Variants in MCMBP observed in about 807,000 individuals in gnomAD.
MCMBP encodes the protein mini-chromosome maintenance complex-binding protein.
A neutral mutation model predicts 81.3 loss-of-function variants in MCMBP; 31 were observed. The ratio of observed to expected loss-of-function variants is 0.38; its 90% CI spans 0.29 to 0.51. The LOEUF (loss-of-function observed/expected upper bound fraction) is 0.51, where lower values mean the gene tolerates loss of function less well. Ranked by LOEUF, MCMBP falls within the 20% of genes least tolerant of loss-of-function variation. MCMBP has a pLI of 0.87. For missense variants in MCMBP, 645 were observed against 772.1 expected, an observed-to-expected ratio of 0.84 and a Z score of 1.95; for synonymous variants, 267 against 275.9, an observed-to-expected ratio of 0.97 and a Z score of 0.32.
chr10:119,830,361 T>C lies in MCMBP; in HGVS notation c.*1113A>G, dbSNP rs1478693977. On this transcript the variant is annotated 3_prime_UTR_variant, in exon 16 of 16. Coordinates refer to ENST00000369077, the MANE Select transcript of MCMBP (RefSeq NM_001256378.2). ...ACAGTCTGTTGTTAGTTTGCTCTATTAAAACTAATTGGTCTGGAGAAAACC... is the reference window on the plus strand; with the variant it reads ...ACAGTCTGTTGTTAGTTTGCTCTATCAAAACTAATTGGTCTGGAGAAAACC... The C allele has an allele frequency of 6.6e-6, 1 of 152,262 alleles. No individual in the cohort carries two copies. The highest frequency in any genetic ancestry group is 2.4e-5 in the African/African-American group (1 of 41,460). The allele number at this position is 152,262 out of a possible 1,614,324, so 9.4% of individuals were successfully genotyped here.
intron 8 of MCMBP, among the ~76,000 whole-genome samples, chr10:119,846,949 G>A (rs973923052): frequency 6.6e-6 from 1 of 152,060 alleles, no homozygotes; most frequent in African/African-American, 2.4e-5. Flanking sequence ...AAAGACAAAG[G>A]CTGAGGACTG....
chr10:119,854,936 G>C (rs1247654909), intron 5 of MCMBP, among the ~76,000 whole-genome samples: 1 of 147,834 alleles, frequency 6.8e-6, no homozygotes, highest in Non-Finnish European at 1.5e-5. Flanking sequence ...CCTGGTGACA[G>C]AGCAGGACTC....
chr10:119,858,580 T>C (rs1332968861), intron 4 of MCMBP, among the ~76,000 whole-genome samples: 1 of 152,188 alleles, frequency 6.6e-6, no homozygotes, highest in African/African-American at 2.4e-5. Flanking sequence ...ATTGGCTTTG[T>C]CTTTGAAGGA....
At chr10:119,847,494 C>A in intron 8 of MCMBP, 119 bp downstream of exon 8, 1 of 544,254 alleles carries the variant, frequency 1.8e-6, no homozygotes, top group South Asian at 3.0e-5. Context: ...CAAGTGTTTA[C>A]AACTGGTACA....
intron 8 of MCMBP, among the ~76,000 whole-genome samples, chr10:119,845,205 A>G (rs1852573973): frequency 6.6e-6 from 1 of 152,210 alleles, no homozygotes; most frequent in Admixed American, 6.5e-5. Flanking sequence ...AAGCTTATTT[A>G]AAGTTGTTTA....
chr10:119,840,089 ATTTAC>A (rs1305692863), intron 11 of MCMBP, among the ~76,000 whole-genome samples: 1 of 152,166 alleles, frequency 6.6e-6, no homozygotes, highest in Non-Finnish European at 1.5e-5. Context: ...TAATAGGTGT[ATTTAC>A]TTTATCTTCT....
At chr10:119,854,424 C>T (rs561649152) in intron 5 of MCMBP, among the ~76,000 whole-genome samples, 6 of 151,226 alleles carry the variant, frequency 4.0e-5, no homozygotes, top group African/African-American at 7.3e-5. Context: ...AAGGTGAGGC[C>T]GGGTGTGGTG....
intron 1 of MCMBP, among the ~76,000 whole-genome samples, chr10:119,867,757 T>A (rs1287721273): frequency 1.3e-5 from 2 of 152,184 alleles, no homozygotes; most frequent in Non-Finnish European, 2.9e-5. Context: ...CAGTTCCTGA[T>A]TCCACTCAGT....
intron 5 of MCMBP, among the ~76,000 whole-genome samples, chr10:119,854,521 AG>A (rs1852952374): frequency 6.8e-6 from 1 of 147,648 alleles, no homozygotes; most frequent in African/African-American, 2.5e-5. Flanking sequence ...TGGGCAACAA[AG>A]GGAGAGACCC....
At chr10:119,861,817 T>C (rs1337733642) in intron 1 of MCMBP, among the ~76,000 whole-genome samples, 1 of 152,172 alleles carries the variant, frequency 6.6e-6, no homozygotes, top group African/African-American at 2.4e-5. Flanking sequence ...CCTGGCTCAC[T>C]GCAACCTTAA....
chr10:119,850,738 G>A (rs1222588545), intron 6 of MCMBP, among the ~76,000 whole-genome samples: 19 of 91,268 alleles, frequency 2.1e-4, no homozygotes, highest in Non-Finnish European at 3.0e-4. Flanking sequence ...GACAGAGCAA[G>A]ACTCCGTCTA....
At chr10:119,855,296 G>A (rs1852995867) in intron 5 of MCMBP, among the ~76,000 whole-genome samples, 1 of 152,212 alleles carries the variant, frequency 6.6e-6, no homozygotes, top group Non-Finnish European at 1.5e-5. Context: ...AGCAGTGACT[G>A]GGGAGAAATT....
chr10:119,841,076 C>T (rs1278311303), intron 10 of MCMBP, 116 bp from the exon 11 acceptor site: 1 of 696,162 alleles, frequency 1.4e-6, no homozygotes, highest in Non-Finnish European at 2.5e-6. Flanking sequence ...CCAGAATATT[C>T]TGACCAGTTA....
In MCMBP at chr10:119,843,719, T is replaced by G. The variant is rs185688286; in HGVS notation, c.828-293A>C. On this transcript the variant is annotated intron_variant, in intron 8 of 15. Transcript: ENST00000369077. Reference sequence around the variant, plus strand: ...CTGTGTTGCCCAGGCTGGAGTGCAGTGATGCGATCTTGGCTCATTGCAACC... The same window carrying G: ...CTGTGTTGCCCAGGCTGGAGTGCAGGGATGCGATCTTGGCTCATTGCAACC... Among the ~76,000 whole-genome samples the G allele has an allele frequency of 2.4e-3, 363 of 152,268 alleles. 1 individual carries two copies. The highest frequency in any genetic ancestry group is 8.0e-3 in the African/African-American group (331 of 41,562).
chr10:119,848,088 A>G (rs1462686187), intron 7 of MCMBP, among the ~76,000 whole-genome samples: 2 of 152,056 alleles, frequency 1.3e-5, no homozygotes, highest in Non-Finnish European at 2.9e-5. Flanking sequence ...AAACAAGATG[A>G]TTAACTTTGC....
chr10:119,872,691 G>A lies in MCMBP; in HGVS notation c.-107C>T. The A allele has an allele frequency of 2.2e-6, 1 of 459,072 alleles. No individual in the cohort carries two copies. Among genetic ancestry groups the A allele is most frequent in the Non-Finnish European group, 3.1e-6 (1 of 326,624 alleles). The allele number at this position is 459,072 out of a possible 1,614,324, so 28.4% of individuals were successfully genotyped here. A position where few individuals can be genotyped will look rare whatever the true frequency, so the allele number is the denominator to read the frequency against. On this transcript the variant is annotated 5_prime_UTR_variant, in exon 1 of 16. Transcript: ENST00000369077. Reference sequence around the variant, plus strand: ...CTCTTCAGCGGCTCGGCCGCTCCTCGCCCGCGTTCGCTCGCGCCCTCCCAC... The same window carrying A: ...CTCTTCAGCGGCTCGGCCGCTCCTCACCCGCGTTCGCTCGCGCCCTCCCAC...
intron 6 of MCMBP, among the ~76,000 whole-genome samples, chr10:119,850,478 A>G (rs1352979929): frequency 6.6e-6 from 1 of 152,172 alleles, no homozygotes; most frequent in African/African-American, 2.4e-5. Context: ...GGCCAGGTGC[A>G]GTGGCTCAAG....
chr10:119,845,007 G>T (rs1852568361), intron 8 of MCMBP, among the ~76,000 whole-genome samples: 1 of 152,132 alleles, frequency 6.6e-6, no homozygotes, highest in South Asian at 2.1e-4. Context: ...TTGTGATCAT[G>T]TGAGTCATTC....
intron 8 of MCMBP, 109 bp from the exon 9 acceptor site, chr10:119,843,535 AC>A (rs1852511915): frequency 9.8e-7 from 1 of 1,019,730 alleles, no homozygotes; most frequent in African/African-American, 1.6e-5. Context: ...GAATATTTCC[AC>A]CTGTACATCT....
Sources: gnomAD v4.1 joint callset for allele counts (sites outside exome capture counted in the v4.1 genomes callset) on GRCh38, gnomAD v4.1.1 for gene constraint, MANE v1.5 for transcripts, NCBI Gene and HGNC (gene_info 2026-07-23, HGNC 2026-07-21) for gene names.